Variants in EPC1 observed in about 807,000 individuals in gnomAD.
EPC1 encodes enhancer of polycomb 1.
In EPC1, 12 loss-of-function variants were observed where a neutral mutation model predicts 98.4. The observed-to-expected ratio is 0.12, with a 90% confidence interval of 0.08 to 0.20. The LOEUF is 0.20. EPC1 is among the 10% of genes least tolerant of loss of function. The pLI is 1.00. For missense variants in EPC1, 729 were observed against 990.5 expected (o/e 0.74, Z 3.54); for synonymous variants, 357 against 363.9 (o/e 0.98, Z 0.21).
In EPC1 at chr10:32,287,182, C is replaced by T. The variant is rs752458619; in HGVS notation, c.1068G>A (p.Thr356=). ...PSSAAATPQQ[T]SPAALPVFNA... is the part of the protein sequence containing the mutation. ...TGAAGACTGGCAGTGCAGCAGGACT[C>T]GTCTGTTGGGGAGTAGCAGCGGCAG... Residue 356 remains threonine, a synonymous_variant, in exon 7 of 14, where the codon ACG becomes ACA. Coordinates refer to ENST00000319778, the MANE Select transcript of EPC1 (RefSeq NM_001272004.3). 2.5e-5 allele frequency: 40 copies of T among 1,613,970 alleles called. No homozygotes were observed. Among genetic ancestry groups the T allele is most frequent in the Non-Finnish European group, 3.3e-5 (39 of 1,180,022 alleles).
At chr10:32,378,306 GAA>G (rs11443059) in intron 1 of EPC1, among the ~76,000 whole-genome samples, 1 of 150,194 alleles carries the variant, frequency 6.7e-6, no homozygotes, top group Non-Finnish European at 1.5e-5. Flanking sequence ...CTTTAACAAT[GAA>G]AAAAAAAACT....
intron 10 of EPC1, among the ~76,000 whole-genome samples, chr10:32,278,361 GTTTTTTTTTGTTTTT>G (rs1274748082): frequency 4.1e-5 from 5 of 122,632 alleles, no homozygotes; most frequent in African/African-American, 1.6e-4. Flanking sequence ...GTATACTTTG[GTTTTTTTTTGTTTTT>G]TTTTTTTTGT....
At chr10:32,318,207 C>G (rs1193502618) in intron 1 of EPC1, among the ~76,000 whole-genome samples, 1 of 152,126 alleles carries the variant, frequency 6.6e-6, no homozygotes, top group African/African-American at 2.4e-5. Context: ...TTTTAAAAGG[C>G]TCTCCCAAAC....
intron 10 of EPC1, among the ~76,000 whole-genome samples, chr10:32,277,312 C>T (rs1483132889): frequency 6.6e-6 from 1 of 152,150 alleles, no homozygotes; most frequent in Admixed American, 6.5e-5. Flanking sequence ...AGGACTTCAA[C>T]TGGGTGAAGG....
intron 1 of EPC1, among the ~76,000 whole-genome samples, chr10:32,353,175 A>C (rs946416322): frequency 2.0e-5 from 3 of 151,052 alleles, no homozygotes; most frequent in African/African-American, 7.4e-5. Context: ...AAAAAAAAGC[A>C]AAAAAAGAAA....
Position 32,347,029 on chromosome 10 carries a change from G to A in EPC1, c.-114C>T, listed in dbSNP as rs1021043234. 283 of 1,495,814 alleles carry A rather than the reference G, an allele frequency of 1.9e-4. 1 individual carries two copies. Among genetic ancestry groups the A allele is most frequent in the Non-Finnish European group, 2.3e-4 (264 of 1,129,338 alleles). 92.7% of individuals were successfully genotyped at this position (1,495,814 alleles called of 1,614,324 possible). A position where few individuals can be genotyped will look rare whatever the true frequency, so the allele number is the denominator to read the frequency against. The stretch of plus-strand genomic sequence containing the variant: ...AACCGCTGCCGGGGACTTGAGGGGC[G>A]GAGCGCAGAGCCCGCCGTCCGGGCA... On this transcript the variant is annotated 5_prime_UTR_variant, in exon 1 of 14. Coordinates refer to ENST00000319778, the MANE Select transcript of EPC1 (RefSeq NM_001272004.3).
rs1422303901 is a variant in EPC1 at position 32,300,952 on chromosome 10, T to C, written c.313+4820A>G. Among the ~76,000 whole-genome samples, 3 of 152,128 alleles carry C rather than the reference T, an allele frequency of 2.0e-5. No homozygotes were observed. In the East Asian group the frequency reaches 5.8e-4, roughly 29 times the overall value. On this transcript the variant is annotated intron_variant, in intron 2 of 13. Coordinates refer to ENST00000319778, the MANE Select transcript of EPC1 (RefSeq NM_001272004.3). ...TTTCTCCAAGGCTTCCTGGGCCGTT[T>C]AGTGGGGAATAAATTAGAGAATAGG...
chr10:32,355,330 A>G (rs1179540868), intron 1 of EPC1, among the ~76,000 whole-genome samples: 4 of 152,244 alleles, frequency 2.6e-5, no homozygotes, highest in African/African-American at 4.8e-5. Flanking sequence ...ACTCCTTAGC[A>G]GAGGAACTAT....
At position 32,292,431 on chromosome 10, in the gene EPC1, T is replaced by C. The variant is rs1485677656; in HGVS notation, c.815+65A>G. 4 of 1,191,404 alleles carry C rather than the reference T, an allele frequency of 3.4e-6. No homozygotes were observed. In the African/African-American group the frequency reaches 6.3e-5, roughly 19 times the overall value. 73.8% of individuals were successfully genotyped at this position (1,191,404 alleles called of 1,614,324 possible). On this transcript the variant is annotated intron_variant, in intron 5 of 13. Coordinates refer to ENST00000319778, the MANE Select transcript of EPC1 (RefSeq NM_001272004.3). The stretch of plus-strand genomic sequence containing the variant: ...ATTAGATTATTGCATAGGAAATAAA[T>C]TAACTCAATATACAAAATGTTAATG...
At chr10:32,332,019 CAA>C (rs1028263592) in intron 1 of EPC1, among the ~76,000 whole-genome samples, 4 of 152,180 alleles carry the variant, frequency 2.6e-5, no homozygotes, top group African/African-American at 7.2e-5. Flanking sequence ...TTTTAGAATA[CAA>C]AGTTATCATT....
chr10:32,306,507 T>C (rs564583768), intron 1 of EPC1, among the ~76,000 whole-genome samples: 27 of 152,256 alleles, frequency 1.8e-4, no homozygotes, highest in Non-Finnish European at 3.7e-4. Flanking sequence ...CTGCAGAGTA[T>C]GTGTAGGGGC....
At chr10:32,322,169 G>GC (rs1472539938) in intron 1 of EPC1, among the ~76,000 whole-genome samples, 1 of 150,966 alleles carries the variant, frequency 6.6e-6, no homozygotes, top group Non-Finnish European at 1.5e-5. Flanking sequence ...TCACGCATTA[G>GC]CCTTACATGT....
chr10:32,299,865 T>G (rs1301586570), intron 2 of EPC1, among the ~76,000 whole-genome samples: 2 of 152,188 alleles, frequency 1.3e-5, no homozygotes, highest in Non-Finnish European at 2.9e-5. Context: ...GAGCACACAC[T>G]GATGATTCTA....
chr10:32,372,956 G>A (rs958351010), intron 1 of EPC1, among the ~76,000 whole-genome samples: 15 of 152,196 alleles, frequency 9.9e-5, no homozygotes, highest in African/African-American at 2.7e-4. Context: ...CCCGGGAGGC[G>A]GAGGTTGCAA....
At chr10:32,311,269 C>T (rs1687786966) in intron 1 of EPC1, among the ~76,000 whole-genome samples, 1 of 151,100 alleles carries the variant, frequency 6.6e-6, no homozygotes, top group African/African-American at 2.4e-5. Flanking sequence ...GCCGAGATTG[C>T]ACCGCTGCAC....
At chr10:32,271,980 T>C (rs774005290) in intron 12 of EPC1, 46 bp downstream of exon 12, 2 of 1,598,664 alleles carry the variant, frequency 1.3e-6, no homozygotes, top group Non-Finnish European at 1.7e-6. Flanking sequence ...ATTATAGATA[T>C]ATGTTATAAA....
intron 1 of EPC1, among the ~76,000 whole-genome samples, chr10:32,363,164 C>T (rs1175630293): frequency 6.6e-6 from 1 of 152,212 alleles, no homozygotes; most frequent in East Asian, 1.9e-4. Flanking sequence ...ACCTTGACCT[C>T]TGAGGCTCAG....
At chr10:32,349,138 GA>G (rs550327931), upstream of EPC1, among the ~76,000 whole-genome samples, 234 of 152,224 alleles carry the variant, frequency 1.5e-3, no homozygotes, top group African/African-American at 5.2e-3. Flanking sequence ...ATATTATTCT[GA>G]CAGCCCTCTC....
At chr10:32,280,771 C>T (rs1033423603) in intron 10 of EPC1, among the ~76,000 whole-genome samples, 12 of 151,128 alleles carry the variant, frequency 7.9e-5, no homozygotes, top group Admixed American at 2.0e-4. Flanking sequence ...AATGAATAAT[C>T]AGAAATGGCT....
Sources: allele counts gnomAD v4.1 joint callset (sites outside exome capture counted in the v4.1 genomes callset), GRCh38; gene constraint gnomAD v4.1.1; transcripts MANE v1.5; gene names NCBI Gene and HGNC (gene_info 2026-07-23, HGNC 2026-07-21).